GFPT2: variants seen among roughly 807,000 people sequenced by gnomAD.
The protein encoded by GFPT2 is glutamine--fructose-6-phosphate transaminase 2.
In GFPT2, 62 loss-of-function variants were observed where a neutral mutation model predicts 85.6. The ratio of observed to expected loss-of-function variants is 0.72; its 90% CI spans 0.59 to 0.90. GFPT2 has a LOEUF of 0.90. GFPT2 is among the 40% of genes least tolerant of loss of function. The pLI is 0.00. For missense variants in GFPT2, 788 were observed against 893.4 expected (o/e 0.88, Z 1.50); for synonymous variants, 368 against 344.5 (o/e 1.07, Z -0.75).
At chr5:180,303,003 G>T (rs1763706946) in intron 17 of GFPT2, among the ~76,000 whole-genome samples, 1 of 151,894 alleles carries the variant, frequency 6.6e-6, no homozygotes, top group African/African-American at 2.4e-5. Context: ...GCTGAGGCGG[G>T]TGGATCACGA....
intron 1 of GFPT2, among the ~76,000 whole-genome samples, chr5:180,349,475 C>T (rs927473180): frequency 3.3e-5 from 5 of 151,966 alleles, no homozygotes; most frequent in Non-Finnish European, 7.4e-5. Flanking sequence ...GATGCTATAC[C>T]ATAAAGTTAT....
chr5:180,338,114 A>C lies in GFPT2; in HGVS notation c.115+379T>G, dbSNP rs989157702. Reference sequence around the variant, plus strand: ...CACTCCAGCCTGAGTAACAAAAATAAAAATAAAAATATGAAAATCTACCCT... The same window carrying C: ...CACTCCAGCCTGAGTAACAAAAATACAAATAAAAATATGAAAATCTACCCT... On this transcript the variant is annotated intron_variant, in intron 2 of 18. Transcript: ENST00000253778. Among the ~76,000 whole-genome samples the C allele has an allele frequency of 3.9e-5, 6 of 152,178 alleles. 1 individual carries two copies. The highest frequency in any genetic ancestry group is 1.4e-4 in the African/African-American group (6 of 41,444).
At position 180,336,408 on chromosome 5, in the gene GFPT2, CT is replaced by C. The variant is rs1410420770; in HGVS notation, c.214+70del. On this transcript the variant is annotated intron_variant, in intron 3 of 18. Coordinates refer to ENST00000253778, the MANE Select transcript of GFPT2 (RefSeq NM_005110.4). Reference sequence around the variant, plus strand: ...AAAGGAGAATCTCCATTCTCCGGCGCTGTTGGAATACGGTCCTAGAAAGCGG... The same window carrying C: ...AAAGGAGAATCTCCATTCTCCGGCGCGTTGGAATACGGTCCTAGAAAGCGG... The C allele has an allele frequency of 3.6e-6, 3 of 842,196 alleles. No homozygotes were observed. In the East Asian group the frequency reaches 7.2e-5, roughly 20 times the overall value. The allele number at this position is 842,196 out of a possible 1,614,324, so 52.2% of individuals were successfully genotyped here.
At chr5:180,327,790 C>T (rs140135784) in intron 7 of GFPT2, among the ~76,000 whole-genome samples, 1 of 152,282 alleles carries the variant, frequency 6.6e-6, no homozygotes, top group East Asian at 1.9e-4. Context: ...GGCAAGCAGG[C>T]TCTCTGAGCC....
chr5:180,304,956 A>AGATCAGAGTCACACTG lies in GFPT2; in HGVS notation c.1675-33_1675-18dup, dbSNP rs1763747236. The AGATCAGAGTCACACTG allele has an allele frequency of 1.9e-6, 3 of 1,588,588 alleles. No homozygotes were observed. Among genetic ancestry groups the AGATCAGAGTCACACTG allele is most frequent in the African/African-American group, 2.7e-5 (2 of 74,624 alleles). On this transcript the variant is annotated splice_polypyrimidine_tract_variant and intron_variant, in intron 16 of 18. Coordinates refer to ENST00000253778, the MANE Select transcript of GFPT2 (RefSeq NM_005110.4). ...TTTAATTTTCTGGAAACAGGAGGTG[A>AGATCAGAGTCACACTG]GATCAGAGTCACACTGGGCAGATGG...
intron 1 of GFPT2, among the ~76,000 whole-genome samples, chr5:180,344,775 C>T (rs1171490056): frequency 6.6e-6 from 1 of 152,200 alleles, no homozygotes; most frequent in Non-Finnish European, 1.5e-5. Flanking sequence ...CTGGCCAGGC[C>T]TTCTTGCCCC....
chr5:180,313,824 C>CG lies in GFPT2; in HGVS notation c.1413dup (p.Gly472ArgfsTer24). On this transcript the variant is annotated frameshift_variant, in exon 14 of 19. Transcript: ENST00000253778. LOFTEE classifies it high-confidence loss of function. ...CCTCCTACCTTGGTGCTGGCCACGC[C>CG]GATCTCCGGCCCTGCGTTGATGTGG... is the stretch of plus-strand genomic sequence containing the variant. 6.4e-7 allele frequency: 1 copy of CG among 1,569,564 alleles called. No individual in the cohort carries two copies. The highest frequency in any genetic ancestry group is 8.6e-7 in the Non-Finnish European group (1 of 1,161,790).
intron 1 of GFPT2, among the ~76,000 whole-genome samples, chr5:180,343,538 T>C (rs1764558031): frequency 6.6e-6 from 1 of 152,256 alleles, no homozygotes; most frequent in South Asian, 2.1e-4. Context: ...CCCTCTTGCG[T>C]AGTGACATCC....
chr5:180,327,826 G>A (rs1412402233), intron 7 of GFPT2, among the ~76,000 whole-genome samples: 1 of 152,154 alleles, frequency 6.6e-6, no homozygotes, highest in Non-Finnish European at 1.5e-5. Flanking sequence ...CCTTTGTGAA[G>A]GTGAAGCTTG....
intron 14 of GFPT2, among the ~76,000 whole-genome samples, 155 bp downstream of exon 14, chr5:180,313,652 A>T (rs1039732258): frequency 3.3e-5 from 5 of 152,028 alleles, no homozygotes; most frequent in African/African-American, 1.2e-4. Flanking sequence ...GGAATCCAAG[A>T]GGGGAGGGGA....
chr5:180,341,184 A>G (rs4700735), intron 1 of GFPT2, among the ~76,000 whole-genome samples: 111,628 of 152,114 alleles, frequency 0.73, 41,152 homozygotes, highest in African/African-American at 0.78. Flanking sequence ...ACTGGCCAGT[A>G]CCCCGGGATG....
chr5:180,338,590 G>A lies in GFPT2; in HGVS notation c.18C>T (p.Ala6=). The A allele has an allele frequency of 6.3e-7, 1 of 1,593,868 alleles. No individual in the cohort carries two copies. Among genetic ancestry groups the A allele is most frequent in the Non-Finnish European group, 8.6e-7 (1 of 1,162,784 alleles). Residue 6 remains alanine (A), a synonymous_variant, in exon 2 of 19, where the codon GCC becomes GCT. Transcript: ENST00000253778. MCGIF[A]YMNYRVPRTR... Reference sequence around the variant, plus strand: ...TCCGGGGGACTCTGTAGTTCATGTAGGCAAAGATTCCTGTTCAAAGAGAAA... The same window carrying A: ...TCCGGGGGACTCTGTAGTTCATGTAAGCAAAGATTCCTGTTCAAAGAGAAA...
intron 14 of GFPT2, 87 bp downstream of exon 14, chr5:180,313,720 G>C: frequency 8.5e-7 from 1 of 1,181,152 alleles, no homozygotes; most frequent in Non-Finnish European, 1.2e-6. Context: ...GCGGTGGCGC[G>C]GGCAGAGCAG....
intron 16 of GFPT2, 66 bp downstream of exon 16, chr5:180,307,110 C>T (rs73343448): frequency 5.2e-6 from 7 of 1,358,684 alleles, no homozygotes; most frequent in Middle Eastern, 2.5e-4. Context: ...CCCTCCTTCC[C>T]GCTGGCTCCT....
At chr5:180,306,088 G>A (rs1259655523) in intron 16 of GFPT2, among the ~76,000 whole-genome samples, 4 of 151,126 alleles carry the variant, frequency 2.6e-5, no homozygotes, top group Admixed American at 6.6e-5. Context: ...GGATTCAAGC[G>A]ATTCTCCTGC....
In GFPT2 at chr5:180,320,094, G is replaced by A. The variant is rs909120579; in HGVS notation, c.795-1138C>T. On this transcript the variant is annotated intron_variant, in intron 9 of 18. Transcript: ENST00000253778. ...TGCAAGCTCTGCCTCCCGGGTTCAC[G>A]CCATTCTCCTGCCTCAGCCTCCCGA... Among the ~76,000 whole-genome samples, 21 of 152,056 alleles carry A rather than the reference G, an allele frequency of 1.4e-4. 1 individual carries two copies. The highest frequency in any genetic ancestry group is 4.8e-4 in the African/African-American group (20 of 41,414).
In GFPT2 at chr5:180,313,895, G is replaced by T; in HGVS notation, c.1343C>A (p.Thr448Asn). 6.2e-7 allele frequency: 1 copy of T among 1,607,170 alleles called. No individual in the cohort carries two copies. Residue 448 changes from threonine to asparagine, a missense_variant, in exon 14 of 19, where the codon ACC becomes AAC. Coordinates refer to ENST00000253778, the MANE Select transcript of GFPT2 (RefSeq NM_005110.4). ...AGAGATGGAGCTGCCCACGGTGTTGGTGACGCCCACGGTGAGAGCGCCGCG... is the reference window on the plus strand; with the variant it reads ...AGAGATGGAGCTGCCCACGGTGTTGTTGACGCCCACGGTGAGAGCGCCGCG... Reference protein sequence around the residue: ...KDRGALTVGVTNTVGSSISRE... With the variant: ...KDRGALTVGVNNTVGSSISRE...
chr5:180,331,797 C>G, intron 4 of GFPT2: 1 of 519,626 alleles, frequency 1.9e-6, no homozygotes, highest in Non-Finnish European at 3.5e-6. Context: ...AATACACATC[C>G]CTCTTTCAGT....
In GFPT2 at chr5:180,353,260, C is replaced by T. The variant is rs973369119; in HGVS notation, c.-43G>A. The T allele has an allele frequency of 4.0e-6, 5 of 1,239,324 alleles. No homozygotes were observed. Among genetic ancestry groups the T allele is most frequent in the African/African-American group, 1.6e-5 (1 of 64,320 alleles). The allele number at this position is 1,239,324 out of a possible 1,614,324, so 76.8% of individuals were successfully genotyped here. A position where few individuals can be genotyped will look rare whatever the true frequency, so the allele number is the denominator to read the frequency against. ...CTCCTTCGCGGCTCGAGGGGGTCTG[C>T]CCGTTCGGACGCTGGGGCTCCTCCG... On this transcript the variant is annotated 5_prime_UTR_variant, in exon 1 of 19. Transcript: ENST00000253778.
Sources: allele counts gnomAD v4.1 joint callset (sites outside exome capture counted in the v4.1 genomes callset), GRCh38; gene constraint gnomAD v4.1.1; transcripts MANE v1.5; gene names NCBI Gene and HGNC (gene_info 2026-07-23, HGNC 2026-07-21).